MYO1E: variants seen among roughly 807,000 people sequenced by gnomAD.
The protein encoded by MYO1E is myosin IE, also known as unconventional myosin-Ie.
Under a neutral mutation model 151.1 loss-of-function variants are expected in MYO1E, and 68 were observed. The ratio of observed to expected loss-of-function variants is 0.45; its 90% confidence interval spans 0.37 to 0.55. The LOEUF (loss-of-function observed/expected upper bound fraction) is 0.55. MYO1E is among the 20% of genes least tolerant of loss of function. MYO1E has a pLI of 0.00. For synonymous variants in MYO1E, 601 were observed against 501.7 expected, an observed-to-expected ratio of 1.20 and a Z score of -2.64; for missense variants, 1,363 against 1,389.3, an observed-to-expected ratio of 0.98 and a Z score of 0.30.
intron 6 of MYO1E, among the ~76,000 whole-genome samples, chr15:59,229,264 T>A (rs1415929691): frequency 6.6e-6 from 1 of 152,148 alleles, no homozygotes; most frequent in African/African-American, 2.4e-5. Context: ...TAGAAACACC[T>A]GGGGAGCCTT....
chr15:59,151,367 T>A (rs943748022), intron 26 of MYO1E, among the ~76,000 whole-genome samples: 3 of 151,760 alleles, frequency 2.0e-5, no homozygotes, highest in Admixed American at 1.3e-4. Context: ...GACATGGAGG[T>A]TGCAGTGAGC....
At chr15:59,356,310 A>G (rs1202570737) in intron 1 of MYO1E, among the ~76,000 whole-genome samples, 1 of 146,744 alleles carries the variant, frequency 6.8e-6, no homozygotes, top group African/African-American at 2.6e-5. Flanking sequence ...GGCAAGCACA[A>G]CGGAGTGGGG....
chr15:59,173,818 G>C lies in MYO1E; in HGVS notation c.2262C>G (p.Leu754=), dbSNP rs1436594456. The C allele has an allele frequency of 2.5e-6, 4 of 1,614,066 alleles. No individual in the cohort carries two copies. Among genetic ancestry groups the C allele is most frequent in the South Asian group, 1.1e-5 (1 of 91,064 alleles). The part of the protein sequence containing the change: ...DYIGMEEHPE[L]QQFVGKREKI... ...TCTCCCTCTTGCCCACGAACTGCTG[G>C]AGTTCTGGGTGCTCTTCCATCCCAA... The change falls in exon 21 of 28, where the codon CTC becomes CTG. Residue 754 remains leucine (L), a synonymous_variant. Coordinates refer to ENST00000288235, the MANE Select transcript of MYO1E (RefSeq NM_004998.4).
Position 59,210,512 on chromosome 15 carries a change from AC to A in MYO1E, c.1362+1del. The A allele has an allele frequency of 6.4e-7, 1 of 1,562,388 alleles. No individual in the cohort carries two copies. Among genetic ancestry groups the A allele is most frequent in the South Asian group, 1.1e-5 (1 of 90,008 alleles). ...GAAAAGACATACTAAATGAACACTTACCACTTTGTTCTCTATGAGGTCACAT... is the reference window on the plus strand; with the variant it reads ...GAAAAGACATACTAAATGAACACTTACACTTTGTTCTCTATGAGGTCACAT... On this transcript the variant is annotated splice_donor_variant, in intron 13 of 27. Transcript: ENST00000288235. LOFTEE classifies it high-confidence loss of function.
chr15:59,282,653 C>A (rs1239734784), intron 1 of MYO1E, among the ~76,000 whole-genome samples: 1 of 150,012 alleles, frequency 6.7e-6, no homozygotes, highest in African/African-American at 2.5e-5. Context: ...AGAGGCCAGC[C>A]TGGACAACAT....
rs1289957084 is a variant in MYO1E, at chr15:59,206,868, C to T, written c.1531-1383G>A. 13 of 1,477,166 alleles carry T rather than the reference C, an allele frequency of 8.8e-6. No homozygotes were observed. In the Admixed American group the frequency reaches 2.5e-4, roughly 29 times the overall value. 91.5% of individuals were successfully genotyped at this position (1,477,166 alleles called of 1,614,324 possible). A position where few individuals can be genotyped will look rare whatever the true frequency, so the allele number is the denominator to read the frequency against. On this transcript the variant is annotated intron_variant, in intron 14 of 27. Coordinates refer to ENST00000288235, the MANE Select transcript of MYO1E (RefSeq NM_004998.4). The stretch of plus-strand genomic sequence containing the variant: ...AGAGTGCTGAAGGTCCTGCCAACGG[C>T]TCTCTTGGCGTCTCAACGTTCGGAT...
chr15:59,158,330 A>T lies in MYO1E; in HGVS notation c.2835T>A (p.Thr945=). The change falls in exon 25 of 28, where the codon ACT becomes ACA. Residue 945 remains threonine, a synonymous_variant. Transcript: ENST00000288235. Reference sequence around the variant, plus strand: ...CTCTCACTGGGTAGTTGGCATTTTGAGTCCCACTGGAATAACCTGTATTTT... The same window carrying T: ...CTCTCACTGGGTAGTTGGCATTTTGTGTCCCACTGGAATAACCTGTATTTT... ...TTQNTGYSSG[T]QNANYPVRAA... The T allele has an allele frequency of 6.3e-7, 1 of 1,577,896 alleles. No individual in the cohort carries two copies. The highest frequency in any genetic ancestry group is 8.6e-7 in the Non-Finnish European group (1 of 1,159,584).
chr15:59,362,182 T>C (rs1459357614), intron 1 of MYO1E, among the ~76,000 whole-genome samples: 1 of 152,220 alleles, frequency 6.6e-6, no homozygotes, highest in Non-Finnish European at 1.5e-5. Flanking sequence ...TATGTACACA[T>C]ACACAAATAA....
intron 26 of MYO1E, among the ~76,000 whole-genome samples, chr15:59,139,509 C>G (rs2079396211): frequency 7.2e-6 from 1 of 138,340 alleles, no homozygotes; most frequent in Admixed American, 7.5e-5. Context: ...CCTTATTACT[C>G]TGCAGACATC....
chr15:59,352,514 A>T (rs1287425387), intron 1 of MYO1E, among the ~76,000 whole-genome samples: 2 of 152,192 alleles, frequency 1.3e-5, no homozygotes. Context: ...CTAGAAGCAA[A>T]CAGCTCCTCT....
intron 3 of MYO1E, among the ~76,000 whole-genome samples, chr15:59,259,883 A>T (rs2080215342): frequency 2.0e-5 from 3 of 152,126 alleles, no homozygotes; most frequent in African/African-American, 7.2e-5. Context: ...TCCTAGCTCC[A>T]TCACTCAGTA....
rs559265033 is a variant in MYO1E, at chr15:59,269,614, T to C, written c.147+2692A>G. ...GGCTCACGCCTGTAATCCCAGCACT[T>C]TGGGAGGCTGAGGTGGACAGATCAT... On this transcript the variant is annotated intron_variant, in intron 2 of 27. Transcript: ENST00000288235. Among the ~76,000 whole-genome samples, 264 of 152,230 alleles carry C rather than the reference T, an allele frequency of 1.7e-3. 2 individuals are homozygous for C. The highest frequency in any genetic ancestry group is 3.0e-3 in the Non-Finnish European group (205 of 68,002).
At chr15:59,304,135 G>A (rs565027265) in intron 1 of MYO1E, among the ~76,000 whole-genome samples, 26 of 151,830 alleles carry the variant, frequency 1.7e-4, no homozygotes, top group South Asian at 4.2e-4. Context: ...GGCACACACC[G>A]CCACGCCTAG....
At chr15:59,251,735 T>C (rs754750890) in intron 4 of MYO1E, among the ~76,000 whole-genome samples, 1 of 152,344 alleles carries the variant, frequency 6.6e-6, no homozygotes, top group East Asian at 1.9e-4. Context: ...TTGGGAACCA[T>C]GTAAATGTTT....
At chr15:59,349,154 A>G (rs537083756) in intron 1 of MYO1E, among the ~76,000 whole-genome samples, 3 of 152,278 alleles carry the variant, frequency 2.0e-5, no homozygotes, top group Admixed American at 1.3e-4. Flanking sequence ...GGCAAGGGGA[A>G]AAAAGGGGAT....
chr15:59,146,534 C>T lies in MYO1E; in HGVS notation c.3080+7056G>A, dbSNP rs1402430369. ...TTTCACATGTTGGTCAGCCTGGTCT[C>T]GAACTCCTGATCTCAAGTGATCCTC... On this transcript the variant is annotated intron_variant, in intron 26 of 27. Transcript: ENST00000288235. Among the ~76,000 whole-genome samples the T allele has an allele frequency of 2.0e-5, 3 of 151,998 alleles. No individual in the cohort carries two copies. In the South Asian group the frequency reaches 6.2e-4, roughly 32 times the overall value.
At chr15:59,202,712 A>G (rs1198896769) in intron 15 of MYO1E, among the ~76,000 whole-genome samples, 1 of 152,170 alleles carries the variant, frequency 6.6e-6, no homozygotes, top group Admixed American at 6.5e-5. Context: ...TTGACAGAAC[A>G]TAACAGAGGG....
At position 59,137,422 on chromosome 15, in the gene MYO1E, G is replaced by A. The variant is rs756934793; in HGVS notation, c.3285C>T (p.Gly1095=). 5 of 1,614,194 alleles carry A rather than the reference G, an allele frequency of 3.1e-6. No homozygotes were observed. The highest frequency in any genetic ancestry group is 3.4e-6 in the Non-Finnish European group (4 of 1,180,028). ...AGTTGTTGGGGAACAGGCCCTGCTT[G>A]CCTCGTAGTCGACCCGTCCACCAGC... ...PSGWWTGRLR[G]KQGLFPNNYV... is the part of the protein sequence containing the mutation. Residue 1095 remains glycine, a synonymous_variant, in exon 28 of 28, where the codon GGC becomes GGT. Coordinates refer to ENST00000288235, the MANE Select transcript of MYO1E (RefSeq NM_004998.4).
At chr15:59,299,068 G>C (rs2080467587) in intron 1 of MYO1E, among the ~76,000 whole-genome samples, 2 of 152,178 alleles carry the variant, frequency 1.3e-5, no homozygotes, top group Admixed American at 1.3e-4. Context: ...AGCTTATTCA[G>C]AGGCCAAAGA....
Sources: gnomAD v4.1 joint callset for allele counts (sites outside exome capture counted in the v4.1 genomes callset) on GRCh38, gnomAD v4.1.1 for gene constraint, MANE v1.5 for transcripts, NCBI Gene and HGNC (gene_info 2026-07-23, HGNC 2026-07-21) for gene names.